The following MED13L variants were observed in gnomAD, a reference collection of about 807,000 sequenced individuals.
MED13L encodes mediator complex subunit 13L, also known as mediator of RNA polymerase II transcription subunit 13-like.
A neutral mutation model predicts 220.9 loss-of-function variants in MED13L; 7 were observed. The ratio of observed to expected loss-of-function variants is 0.03; its 90% CI spans 0.02 to 0.06. The LOEUF (loss-of-function observed/expected upper bound fraction) is 0.06, where lower values mean the gene tolerates loss of function less well. MED13L is among the 10% of genes least tolerant of loss of function. The probability of loss-of-function intolerance (pLI) is 1.00; values close to 1 mark genes in which losing one functional copy is unlikely to be tolerated. For missense variants in MED13L, 1,965 were observed against 2,760.5 expected (o/e 0.71, Z 6.46); for synonymous variants, 1,011 against 1,015.2 (o/e 1.00, Z 0.08).
At chr12:115,990,283 C>T (rs1877970756) in intron 17 of MED13L, among the ~76,000 whole-genome samples, 1 of 152,172 alleles carries the variant, frequency 6.6e-6, no homozygotes, top group South Asian at 2.1e-4. Context: ...CCCGTCTATC[C>T]CATGCTTTTA....
At chr12:116,109,289 A>G (rs1873880881) in intron 3 of MED13L, among the ~76,000 whole-genome samples, 2 of 151,352 alleles carry the variant, frequency 1.3e-5, no homozygotes, top group Non-Finnish European at 2.9e-5. Flanking sequence ...CAGGCTGACA[A>G]TTTTCTTATA....
chr12:116,166,278 CAA>C (rs1879264781), intron 2 of MED13L, among the ~76,000 whole-genome samples: 1 of 151,962 alleles, frequency 6.6e-6, no homozygotes, highest in Non-Finnish European at 1.5e-5. Context: ...TGGGTGTTGC[CAA>C]AAGAGATTAA....
Position 116,111,526 on chromosome 12 carries a change from G to T in MED13L, c.311-14C>A. On this transcript the variant is annotated splice_polypyrimidine_tract_variant and intron_variant, in intron 2 of 30. Coordinates refer to ENST00000281928, the MANE Select transcript of MED13L (RefSeq NM_015335.5). ...CTTCTTCCACAACTGAAAAAAAAAA[G>T]AAAAAAGAAAAAAAAAGAACCAGTA... 6.6e-7 allele frequency: 1 copy of T among 1,525,618 alleles called. No homozygotes were observed. Among genetic ancestry groups the T allele is most frequent in the Non-Finnish European group, 8.9e-7 (1 of 1,128,858 alleles). 94.5% of individuals were successfully genotyped at this position (1,525,618 alleles called of 1,614,324 possible).
intron 3 of MED13L, chr12:116,110,016 G>C (rs1314939332): frequency 6.6e-6 from 1 of 152,116 alleles, no homozygotes. Flanking sequence ...ATAAGAAACT[G>C]GTAAGTCCTC....
chr12:116,015,342 C>A, intron 7 of MED13L, 68 bp from the exon 8 acceptor site: 1 of 1,504,672 alleles, frequency 6.6e-7, no homozygotes, highest in Non-Finnish European at 9.2e-7. Context: ...AGACTGCTAT[C>A]TTATTAACAT....
chr12:116,199,388 C>T (rs1015223929), intron 2 of MED13L, among the ~76,000 whole-genome samples: 6 of 152,200 alleles, frequency 3.9e-5, no homozygotes, highest in African/African-American at 7.2e-5. Flanking sequence ...GCACACTTCA[C>T]GCACACTTTA....
chr12:116,200,274 G>A (rs1881929156), intron 2 of MED13L, among the ~76,000 whole-genome samples: 1 of 151,714 alleles, frequency 6.6e-6, no homozygotes, highest in African/African-American at 2.4e-5. Context: ...TGGCCACACT[G>A]CAGTCATTCA....
At chr12:116,146,116 ATT>A (rs1041101649) in intron 2 of MED13L, among the ~76,000 whole-genome samples, 1 of 151,864 alleles carries the variant, frequency 6.6e-6, no homozygotes, top group African/African-American at 2.4e-5. Flanking sequence ...CTATTTTGAG[ATT>A]TTTTTGTTTT....
At chr12:116,240,336 G>C (rs989856179) in intron 1 of MED13L, among the ~76,000 whole-genome samples, 23 of 151,822 alleles carry the variant, frequency 1.5e-4, no homozygotes, top group South Asian at 1.5e-3. Flanking sequence ...ACCTCAAGCG[G>C]TCCACCCACC....
At chr12:116,271,621 G>A (rs1281934534) in intron 1 of MED13L, among the ~76,000 whole-genome samples, 12 of 143,420 alleles carry the variant, frequency 8.4e-5, no homozygotes, top group Non-Finnish European at 1.5e-4. Flanking sequence ...GCCAGACTCC[G>A]TCTCAAAAAA....
At chr12:116,253,774 T>C (rs2138529058) in intron 1 of MED13L, among the ~76,000 whole-genome samples, 1 of 144,256 alleles carries the variant, frequency 6.9e-6, no homozygotes, top group East Asian at 2.0e-4. Context: ...TTTTTTTTTT[T>C]TTTTTGAGAC....
intron 2 of MED13L, among the ~76,000 whole-genome samples, chr12:116,124,077 ATAGCAAATG>A: frequency 6.6e-6 from 1 of 151,712 alleles, no homozygotes; most frequent in East Asian, 1.9e-4. Context: ...ACAGGTTAAA[ATAGCAAATG>A]TAGCAAAAAT....
chr12:116,126,266 A>G (rs548972844), intron 2 of MED13L, among the ~76,000 whole-genome samples: 1 of 152,242 alleles, frequency 6.6e-6, no homozygotes, highest in Non-Finnish European at 1.5e-5. Context: ...AGTTATTTAC[A>G]GTCGCAGTGG....
chr12:116,184,851 T>G (rs1880770354), intron 2 of MED13L, among the ~76,000 whole-genome samples: 1 of 152,224 alleles, frequency 6.6e-6, no homozygotes, highest in African/African-American at 2.4e-5. Context: ...ATGGCTTATT[T>G]GACAATCACT....
chr12:116,029,093 G>A (rs1221005500), intron 4 of MED13L, among the ~76,000 whole-genome samples: 1 of 151,902 alleles, frequency 6.6e-6, no homozygotes, highest in African/African-American at 2.4e-5. Flanking sequence ...ATAAAAAATG[G>A]AGACATTAAT....
intron 2 of MED13L, among the ~76,000 whole-genome samples, chr12:116,162,722 A>G (rs1018726345): frequency 2.0e-5 from 3 of 152,356 alleles, no homozygotes; most frequent in African/African-American, 7.2e-5. Flanking sequence ...TTGGAAAATA[A>G]TATGATCAAT....
Position 116,022,445 on chromosome 12 carries a change from C to A in MED13L, c.625+11G>T. 1.2e-6 allele frequency: 2 copies of A among 1,613,454 alleles called. No individual in the cohort carries two copies. The highest frequency in any genetic ancestry group is 1.7e-6 in the Non-Finnish European group (2 of 1,179,676). On this transcript the variant is annotated intron_variant, in intron 5 of 30. Transcript: ENST00000281928. Reference sequence around the variant, plus strand: ...CGGATAGGGGTGGAGAGCAGGAACACCCATACTTACCTTGAAATGGTGCAG... The same window carrying A: ...CGGATAGGGGTGGAGAGCAGGAACAACCATACTTACCTTGAAATGGTGCAG...
intron 4 of MED13L, among the ~76,000 whole-genome samples, chr12:116,023,908 TG>T (rs1880218778): frequency 6.6e-6 from 1 of 152,222 alleles, no homozygotes; most frequent in South Asian, 2.1e-4. Flanking sequence ...AAAAATACTC[TG>T]TCCTTTATGA....
chr12:115,983,105 T>C lies in MED13L; in HGVS notation c.4955+12A>G. ...AGCTGAAGCCACTCATCTCAATTAG[T>C]GAATAACATACCTCTCTTGTCCATC... is the stretch of plus-strand genomic sequence containing the variant. On this transcript the variant is annotated intron_variant, in intron 21 of 30. Coordinates refer to ENST00000281928, the MANE Select transcript of MED13L (RefSeq NM_015335.5). 1.2e-6 allele frequency: 2 copies of C among 1,613,598 alleles called. No homozygotes were observed.
Sources: allele counts gnomAD v4.1 joint callset (sites outside exome capture counted in the v4.1 genomes callset), GRCh38; gene constraint gnomAD v4.1.1; transcripts MANE v1.5; gene names NCBI Gene and HGNC (gene_info 2026-07-23, HGNC 2026-07-21).